ATP10B: variants seen among roughly 807,000 people sequenced by gnomAD.
ATP10B encodes ATPase phospholipid transporting 10B (putative).
A neutral mutation model predicts 141.2 loss-of-function variants in ATP10B; 122 were observed. The ratio of observed to expected loss-of-function variants is 0.86; its 90% CI spans 0.75 to 1.00. The LOEUF (loss-of-function observed/expected upper bound fraction) is 1.00, where lower values mean the gene tolerates loss of function less well. ATP10B is among the 50% of genes least tolerant of loss of function. The probability of loss-of-function intolerance (pLI) is 0.00; values close to 1 mark genes in which losing one functional copy is unlikely to be tolerated. For synonymous variants in ATP10B, 685 were observed against 692.0 expected, an observed-to-expected ratio of 0.99 and a Z score of 0.16; for missense variants, 1,876 against 1,825.3, an observed-to-expected ratio of 1.03 and a Z score of -0.51.
intron 2 of ATP10B, among the ~76,000 whole-genome samples, chr5:160,718,497 G>T (rs977663741): frequency 2.0e-5 from 3 of 152,192 alleles, no homozygotes; most frequent in African/African-American, 7.2e-5. Flanking sequence ...ATAAAGAAAA[G>T]AAGTTTATTT....
intron 6 of ATP10B, among the ~76,000 whole-genome samples, chr5:160,679,037 A>T (rs1357620206): frequency 6.6e-6 from 1 of 152,242 alleles, no homozygotes; most frequent in Non-Finnish European, 1.5e-5. Context: ...ATCACTATTT[A>T]AAGATGAAAC....
the ATP10B span, among the ~76,000 whole-genome samples, chr5:160,910,545 G>A: frequency 2.0e-5 from 3 of 152,136 alleles, no homozygotes; most frequent in Non-Finnish European, 2.9e-5. Context: ...GTATGAGTCT[G>A]CAATTTTCAA....
chr5:160,780,386 T>C (rs1245513710), intron 2 of ATP10B, among the ~76,000 whole-genome samples: 1 of 152,204 alleles, frequency 6.6e-6, no homozygotes, highest in Non-Finnish European at 1.5e-5. Flanking sequence ...AATAGCATCA[T>C]TTAATCACAA....
At chr5:160,783,048 T>G (rs1326601462) in intron 2 of ATP10B, among the ~76,000 whole-genome samples, 7 of 152,052 alleles carry the variant, frequency 4.6e-5, no homozygotes, top group African/African-American at 1.7e-4. Flanking sequence ...TTTTCTTCCA[T>G]AAGTTATTGT....
intron 6 of ATP10B, among the ~76,000 whole-genome samples, chr5:160,682,093 G>T (rs566235746): frequency 1.3e-5 from 2 of 152,136 alleles, no homozygotes; most frequent in East Asian, 1.9e-4. Flanking sequence ...TTACCTATCT[G>T]GTCCCTGTAG....
intron 2 of ATP10B, among the ~76,000 whole-genome samples, chr5:160,744,144 G>A (rs890954121): frequency 3.3e-5 from 5 of 152,072 alleles, no homozygotes; most frequent in Non-Finnish European, 5.9e-5. Flanking sequence ...CTCATCATAC[G>A]AATTAAATAC....
In ATP10B at chr5:160,687,783, G is replaced by C; in HGVS notation, c.275+17C>G. The C allele has an allele frequency of 1.2e-6, 2 of 1,609,502 alleles. No homozygotes were observed. The highest frequency in any genetic ancestry group is 8.5e-7 in the Non-Finnish European group (1 of 1,177,366). Reference sequence around the variant, plus strand: ...CTTTCTCTAAAAAGAGTATTGTTCAGACAAGTGGATCTCTACCTATGAAAT... The same window carrying C: ...CTTTCTCTAAAAAGAGTATTGTTCACACAAGTGGATCTCTACCTATGAAAT... On this transcript the variant is annotated intron_variant, in intron 5 of 25. Coordinates refer to ENST00000327245, the MANE Select transcript of ATP10B (RefSeq NM_025153.3).
At chr5:160,651,861 AGAT>A (rs767385281) in intron 7 of ATP10B, among the ~76,000 whole-genome samples, 62 of 152,116 alleles carry the variant, frequency 4.1e-4, no homozygotes, top group Non-Finnish European at 7.6e-4. Context: ...CTGAGCTCCA[AGAT>A]GATGACAAAT....
At chr5:160,910,210 C>A in the ATP10B span, among the ~76,000 whole-genome samples, 1 of 152,172 alleles carries the variant, frequency 6.6e-6, no homozygotes, top group African/African-American at 2.4e-5. Flanking sequence ...GCTCCCCTAT[C>A]CTTTTCAAGA....
intron 6 of ATP10B, among the ~76,000 whole-genome samples, chr5:160,674,158 C>T (rs866852887): frequency 4.6e-5 from 7 of 152,136 alleles, no homozygotes; most frequent in Admixed American, 3.3e-4. Flanking sequence ...AAATCCTGAT[C>T]GCCAACCCTC....
intron 1 of ATP10B, among the ~76,000 whole-genome samples, chr5:160,840,681 AGATT>A (rs2127986228): frequency 6.6e-6 from 1 of 152,292 alleles, no homozygotes; most frequent in African/African-American, 2.4e-5. Context: ...ATGTGATAAA[AGATT>A]GATAAACTGA....
intron 24 of ATP10B, among the ~76,000 whole-genome samples, chr5:160,580,425 G>C (rs987081974): frequency 6.6e-6 from 1 of 151,684 alleles, no homozygotes; most frequent in Middle Eastern, 3.4e-3. Flanking sequence ...TAATTGTGTG[G>C]TGTTTGTCAT....
At chr5:160,876,336 A>G in the ATP10B span, among the ~76,000 whole-genome samples, 97 of 144,940 alleles carry the variant, frequency 6.7e-4, 2 homozygotes, top group Non-Finnish European at 1.5e-4. Context: ...TTTGAAACCA[A>G]CGAGAACAAA....
intron 1 of ATP10B, among the ~76,000 whole-genome samples, chr5:160,820,391 CAA>C (rs1022347936): frequency 2.0e-5 from 3 of 151,684 alleles, no homozygotes; most frequent in African/African-American, 7.3e-5. Flanking sequence ...AGCATTAATG[CAA>C]AGTTACCCAG....
At chr5:160,742,460 G>A (rs1436337677) in intron 2 of ATP10B, among the ~76,000 whole-genome samples, 1 of 151,826 alleles carries the variant, frequency 6.6e-6, no homozygotes, top group Non-Finnish European at 1.5e-5. Flanking sequence ...TCCTCATACT[G>A]GGCACATAGG....
At chr5:160,690,998 C>T (rs752724381) in intron 3 of ATP10B, among the ~76,000 whole-genome samples, 5 of 151,854 alleles carry the variant, frequency 3.3e-5, no homozygotes, top group Admixed American at 6.6e-5. Flanking sequence ...AAATGTGGCA[C>T]ATACATAGCA....
intron 7 of ATP10B, among the ~76,000 whole-genome samples, chr5:160,652,157 G>A (rs1343862837): frequency 6.6e-6 from 1 of 152,036 alleles, no homozygotes; most frequent in Non-Finnish European, 1.5e-5. Context: ...CTCCTGCTGT[G>A]TCTCCTTTCC....
At chr5:160,831,203 A>C (rs1354858514) in intron 1 of ATP10B, among the ~76,000 whole-genome samples, 2 of 151,952 alleles carry the variant, frequency 1.3e-5, no homozygotes, top group Non-Finnish European at 2.9e-5. Flanking sequence ...TGTTGAGCCT[A>C]GTAAATGTGG....
intron 24 of ATP10B, among the ~76,000 whole-genome samples, chr5:160,572,223 T>C (rs1051632738): frequency 1.9e-4 from 29 of 152,076 alleles, no homozygotes; most frequent in African/African-American, 7.0e-4. Flanking sequence ...TATCCAGTAT[T>C]TTTTGTTGTT....
Sources: gnomAD v4.1 joint callset for allele counts (sites outside exome capture counted in the v4.1 genomes callset) on GRCh38, gnomAD v4.1.1 for gene constraint, MANE v1.5 for transcripts, NCBI Gene and HGNC (gene_info 2026-07-23, HGNC 2026-07-21) for gene names.